DCLK2: variants seen among roughly 807,000 people sequenced by gnomAD.
DCLK2 encodes the protein serine/threonine-protein kinase DCLK2.
Under a neutral mutation model 78.4 loss-of-function variants are expected in DCLK2, and 31 were observed. The observed-to-expected ratio is 0.40, with a 90% CI of 0.30 to 0.53. The LOEUF (loss-of-function observed/expected upper bound fraction) is 0.53, where lower values mean the gene tolerates loss of function less well. DCLK2 is among the 20% of genes least tolerant of loss of function. The pLI is 0.61. For synonymous variants in DCLK2, 407 were observed against 374.9 expected, an observed-to-expected ratio of 1.09 and a Z score of -0.99; for missense variants, 872 against 973.7, an observed-to-expected ratio of 0.90 and a Z score of 1.39.
At chr4:150,172,627 A>G (rs1560831877) in intron 2 of DCLK2, among the ~76,000 whole-genome samples, 2 of 151,278 alleles carry the variant, frequency 1.3e-5, no homozygotes, top group East Asian at 3.9e-4. Context: ...AAAAAAAAAA[A>G]AAGAAATCCA....
intron 2 of DCLK2, among the ~76,000 whole-genome samples, chr4:150,151,792 G>A (rs1182761866): frequency 6.6e-6 from 1 of 152,124 alleles, no homozygotes; most frequent in African/African-American, 2.4e-5. Context: ...AGATGTGGTG[G>A]CAGGCGCCTG....
chr4:150,086,886 G>A (rs890603936), intron 1 of DCLK2, among the ~76,000 whole-genome samples: 2 of 152,176 alleles, frequency 1.3e-5, no homozygotes, highest in Non-Finnish European at 2.9e-5. Flanking sequence ...TATTTTCAGT[G>A]TCTACAGGAG....
At chr4:150,232,620 T>G in intron 9 of DCLK2, 62 bp from the exon 10 acceptor site, 1 of 1,572,052 alleles carries the variant, frequency 6.4e-7, no homozygotes, top group Non-Finnish European at 8.7e-7. Context: ...ATGAGCCATC[T>G]TTCTTACCTT....
intron 1 of DCLK2, among the ~76,000 whole-genome samples, chr4:150,099,284 C>T (rs972023294): frequency 6.6e-6 from 1 of 152,116 alleles, no homozygotes; most frequent in Non-Finnish European, 1.5e-5. Context: ...AGCTTGAACT[C>T]CTGGGCACAA....
intron 10 of DCLK2, among the ~76,000 whole-genome samples, chr4:150,237,713 T>C (rs1742613771): frequency 6.6e-6 from 1 of 152,214 alleles, no homozygotes; most frequent in Non-Finnish European, 1.5e-5. Context: ...ATGGATGATG[T>C]TGCTAACATG....
chr4:150,130,009 T>A (rs1318390805), intron 2 of DCLK2, among the ~76,000 whole-genome samples: 1 of 152,162 alleles, frequency 6.6e-6, no homozygotes, highest in Non-Finnish European at 1.5e-5. Context: ...ATTTGAGCTA[T>A]ATCTAGAGCA....
intron 2 of DCLK2, among the ~76,000 whole-genome samples, chr4:150,145,368 T>C (rs1433002478): frequency 6.6e-6 from 1 of 152,196 alleles, no homozygotes; most frequent in Non-Finnish European, 1.5e-5. Flanking sequence ...TTTTTAATCT[T>C]TCTGTTTTCT....
chr4:150,237,130 G>T (rs1443683838), intron 10 of DCLK2, among the ~76,000 whole-genome samples: 2 of 151,960 alleles, frequency 1.3e-5, no homozygotes, highest in South Asian at 4.2e-4. Flanking sequence ...CTCTCATGAT[G>T]CAGACAGTTA....
intron 8 of DCLK2, among the ~76,000 whole-genome samples, chr4:150,230,150 T>C (rs1354659874): frequency 2.0e-5 from 3 of 152,216 alleles, no homozygotes; most frequent in African/African-American, 4.8e-5. Flanking sequence ...CATTGTCAAG[T>C]AGAATTCAGT....
chr4:150,175,011 A>AAATAT (rs1454035697), intron 2 of DCLK2, among the ~76,000 whole-genome samples: 120 of 9,974 alleles, frequency 0.012, 41 homozygotes, highest in African/African-American at 0.03. Flanking sequence ...AAAAAAAAAA[A>AAATAT]ATATATATAT....
intron 2 of DCLK2, among the ~76,000 whole-genome samples, chr4:150,183,871 C>G (rs1737711064): frequency 6.6e-6 from 1 of 151,804 alleles, no homozygotes; most frequent in Non-Finnish European, 1.5e-5. Context: ...TAGCTGGGAC[C>G]ACAGGCATGA....
chr4:150,111,131 C>T lies in DCLK2; in HGVS notation c.756+8319C>T, dbSNP rs114051216. ...GTATAAGTATTCCCCTTCACTACAT[C>T]CACATCAGCATCTATTTTTTTTTGA... On this transcript the variant is annotated intron_variant, in intron 2 of 15. Transcript: ENST00000296550. Among the ~76,000 whole-genome samples the T allele has an allele frequency of 4.8e-3, 732 of 152,244 alleles. 7 individuals carry two copies. The highest frequency in any genetic ancestry group is 0.017 in the African/African-American group (690 of 41,548).
chr4:150,095,660 G>A (rs997957044), intron 1 of DCLK2, among the ~76,000 whole-genome samples: 1 of 152,304 alleles, frequency 6.6e-6, no homozygotes, highest in Non-Finnish European at 1.5e-5. Context: ...GTCATTGGAT[G>A]TGTGTTGTTA....
chr4:150,090,509 T>C (rs371248199), intron 1 of DCLK2, among the ~76,000 whole-genome samples: 4 of 95,894 alleles, frequency 4.2e-5, no homozygotes, highest in African/African-American at 1.3e-4. Context: ...CTTGGCCCCA[T>C]GTATGAGGAG....
At chr4:150,219,760 G>GT (rs1266637149) in intron 5 of DCLK2, among the ~76,000 whole-genome samples, 1 of 152,210 alleles carries the variant, frequency 6.6e-6, no homozygotes, top group Non-Finnish European at 1.5e-5. Flanking sequence ...GACTTGGAAA[G>GT]TTTAAGTAAC....
chr4:150,252,438 G>A (rs1018448298), intron 15 of DCLK2, among the ~76,000 whole-genome samples: 1 of 152,218 alleles, frequency 6.6e-6, no homozygotes, highest in Non-Finnish European at 1.5e-5. Flanking sequence ...CGGAGACTGT[G>A]AAGGGAGTCA....
At chr4:150,241,828 T>G (rs1742948405) in intron 12 of DCLK2, among the ~76,000 whole-genome samples, 1 of 152,132 alleles carries the variant, frequency 6.6e-6, no homozygotes, top group African/African-American at 2.4e-5. Context: ...CTGGGGTCTT[T>G]TGTAAGGGCC....
chr4:150,250,298 C>G (rs182004383), intron 15 of DCLK2, among the ~76,000 whole-genome samples: 1 of 152,058 alleles, frequency 6.6e-6, no homozygotes, highest in Non-Finnish European at 1.5e-5. Context: ...TAAGGCAACT[C>G]TCCTAAATAC....
intron 1 of DCLK2, among the ~76,000 whole-genome samples, chr4:150,081,910 A>G (rs1232019772): frequency 6.7e-6 from 1 of 150,196 alleles, no homozygotes; most frequent in South Asian, 2.1e-4. Context: ...AGACAGGAGA[A>G]TTGCTTGAAC....
Sources: allele counts gnomAD v4.1 joint callset (sites outside exome capture counted in the v4.1 genomes callset), GRCh38; gene constraint gnomAD v4.1.1; transcripts MANE v1.5; gene names NCBI Gene and HGNC (gene_info 2026-07-23, HGNC 2026-07-21).